The following SEMA5A variants were observed in gnomAD, a reference collection of about 807,000 sequenced individuals.
The protein encoded by SEMA5A is semaphorin 5A.
A neutral mutation model predicts 135.5 loss-of-function variants in SEMA5A; 55 were observed. That is an observed-to-expected ratio of 0.41 (90% confidence interval 0.33 to 0.51). SEMA5A has a LOEUF of 0.51. SEMA5A is among the 20% of genes least tolerant of loss of function. The pLI, the probability that SEMA5A is intolerant of heterozygous loss-of-function variation, is 0.37. For missense variants in SEMA5A, 1,290 were observed against 1,419.9 expected, an observed-to-expected ratio of 0.91 and a Z score of 1.47; for synonymous variants, 580 against 546.5, an observed-to-expected ratio of 1.06 and a Z score of -0.85.
intron 11 of SEMA5A, among the ~76,000 whole-genome samples, chr5:9,162,132 T>A (rs1468060696): frequency 6.6e-6 from 1 of 152,234 alleles, no homozygotes; most frequent in Middle Eastern, 3.2e-3. Context: ...TAGAGTTTTC[T>A]ATCTACCAAG....
chr5:9,399,864 A>T (rs1756572416), intron 2 of SEMA5A, among the ~76,000 whole-genome samples: 1 of 152,084 alleles, frequency 6.6e-6, no homozygotes, highest in Admixed American at 6.6e-5. Flanking sequence ...TTTATATAGG[A>T]AGCTTTCCAT....
chr5:9,258,801 T>C (rs1218629314), intron 5 of SEMA5A, among the ~76,000 whole-genome samples: 1 of 118,938 alleles, frequency 8.4e-6, no homozygotes, highest in African/African-American at 3.3e-5. Context: ...TCTTCTTTCT[T>C]TCTTTTTTTT....
At chr5:9,194,075 G>GA (rs142242733) in intron 10 of SEMA5A, among the ~76,000 whole-genome samples, 2,666 of 152,180 alleles carry the variant, frequency 0.018, 72 homozygotes, top group African/African-American at 0.059. Context: ...AAGCTGCACA[G>GA]AAAATTCTGG....
chr5:9,163,225 A>C (rs1020437992), intron 11 of SEMA5A, among the ~76,000 whole-genome samples: 4 of 152,108 alleles, frequency 2.6e-5, no homozygotes, highest in African/African-American at 9.7e-5. Context: ...CAAACAGGGA[A>C]ACAGACGATG....
chr5:9,355,563 G>A (rs1754403349), intron 3 of SEMA5A, among the ~76,000 whole-genome samples: 1 of 152,212 alleles, frequency 6.6e-6, no homozygotes, highest in African/African-American at 2.4e-5. Flanking sequence ...GTAAATTTGG[G>A]GAACAATCCA....
chr5:9,079,145 AT>A (rs1251172645), intron 16 of SEMA5A, among the ~76,000 whole-genome samples: 3 of 152,228 alleles, frequency 2.0e-5, no homozygotes, highest in East Asian at 3.9e-4. Context: ...GCCATTTAAA[AT>A]TTTTTGCTTT....
At chr5:9,077,239 G>C (rs1233568353) in intron 16 of SEMA5A, among the ~76,000 whole-genome samples, 1 of 152,112 alleles carries the variant, frequency 6.6e-6, no homozygotes, top group Non-Finnish European at 1.5e-5. Context: ...CCTTGCTTTA[G>C]ATTTACTTAG....
At chr5:9,433,905 A>G (rs1044959224) in intron 2 of SEMA5A, among the ~76,000 whole-genome samples, 1 of 152,192 alleles carries the variant, frequency 6.6e-6, no homozygotes, top group African/African-American at 2.4e-5. Context: ...TAAATCAACC[A>G]TAGCTCTTCT....
intron 2 of SEMA5A, among the ~76,000 whole-genome samples, chr5:9,429,073 G>A (rs1454844627): frequency 6.6e-6 from 1 of 152,178 alleles, no homozygotes; most frequent in African/African-American, 2.4e-5. Context: ...CAGAGGGGGT[G>A]TGACTTAATT....
chr5:9,467,430 C>T (rs776392971), intron 1 of SEMA5A, among the ~76,000 whole-genome samples: 7 of 152,100 alleles, frequency 4.6e-5, no homozygotes, highest in Non-Finnish European at 1.0e-4. Flanking sequence ...TGTTCTGAGG[C>T]CTGATGAGCC....
intron 16 of SEMA5A, among the ~76,000 whole-genome samples, chr5:9,103,357 G>A (rs1038289122): frequency 2.0e-5 from 3 of 152,046 alleles, no homozygotes; most frequent in African/African-American, 4.8e-5. Context: ...CAATGGCCAC[G>A]TTTCATTTGC....
chr5:9,224,594 T>TTGTA (rs1747187875), intron 8 of SEMA5A, 80 bp downstream of exon 8: 5 of 1,219,726 alleles, frequency 4.1e-6, no homozygotes, highest in Non-Finnish European at 6.0e-6. Context: ...ATTTAGAGTG[T>TTGTA]TGTAGTTTGC....
In SEMA5A at chr5:9,154,605, C is replaced by T. The variant is rs780008482; in HGVS notation, c.1364G>A (p.Arg455Gln). The T allele has an allele frequency of 2.0e-5, 32 of 1,613,920 alleles. No individual in the cohort carries two copies. Among genetic ancestry groups the T allele is most frequent in the East Asian group, 1.8e-4 (8 of 44,856 alleles). The part of the protein sequence containing the change: ...LEEIELFPER[R>Q]REPIRSLQIL... ...CTGCAGGCTCCTGATGGGCTCCCTC[C>T]GCCTCTCAGGGAAGAGCTCAATCTC... Residue 455 changes from arginine to glutamine, a missense_variant, in exon 12 of 23, where the codon CGG (arginine) becomes CAG (glutamine). Coordinates refer to ENST00000382496, the MANE Select transcript of SEMA5A (RefSeq NM_003966.3).
chr5:9,326,815 T>C (rs1269182520), intron 4 of SEMA5A, among the ~76,000 whole-genome samples: 1 of 152,160 alleles, frequency 6.6e-6, no homozygotes, highest in Non-Finnish European at 1.5e-5. Context: ...ACTATATCCT[T>C]TAAAACATAA....
chr5:9,541,918 A>G (rs1172426409), intron 1 of SEMA5A, among the ~76,000 whole-genome samples: 1 of 152,206 alleles, frequency 6.6e-6, no homozygotes, highest in Non-Finnish European at 1.5e-5. Flanking sequence ...ATGTTGAAAT[A>G]AATTACCTAT....
At chr5:9,495,325 G>A (rs753582550) in intron 1 of SEMA5A, among the ~76,000 whole-genome samples, 6 of 152,214 alleles carry the variant, frequency 3.9e-5, no homozygotes, top group South Asian at 2.1e-4. Context: ...AAGAGCTACC[G>A]TGAAGCCCAC....
chr5:9,298,615 T>C (rs929677903), intron 5 of SEMA5A, among the ~76,000 whole-genome samples: 6 of 152,222 alleles, frequency 3.9e-5, no homozygotes, highest in Non-Finnish European at 8.8e-5. Context: ...AAAACTTACA[T>C]AGGTTAAGTT....
chr5:9,202,354 T>A, intron 8 of SEMA5A, 114 bp from the exon 9 acceptor site: 1 of 1,076,358 alleles, frequency 9.3e-7, no homozygotes, highest in Non-Finnish European at 1.3e-6. Flanking sequence ...TAACACCTGG[T>A]TCCTATAGGA....
chr5:9,271,091 T>C (rs907419065), intron 5 of SEMA5A, among the ~76,000 whole-genome samples: 1 of 152,102 alleles, frequency 6.6e-6, no homozygotes, highest in Non-Finnish European at 1.5e-5. Flanking sequence ...CTTTGGATCA[T>C]AGTGACAGAT....
Sources: allele counts gnomAD v4.1 joint callset (sites outside exome capture counted in the v4.1 genomes callset), GRCh38; gene constraint gnomAD v4.1.1; transcripts MANE v1.5; gene names NCBI Gene and HGNC (gene_info 2026-07-23, HGNC 2026-07-21).